ADAM7: variants seen among roughly 807,000 people sequenced by gnomAD.
ADAM7 encodes the protein ADAM metallopeptidase domain 7.
In ADAM7, 97 loss-of-function variants were observed where a neutral mutation model predicts 102.9. The ratio of observed to expected loss-of-function variants is 0.94; its 90% CI spans 0.80 to 1.12. The LOEUF is 1.12. Among genes scored for constraint, ADAM7 ranks in the 50% most tolerant of loss-of-function variants. The pLI is 0.00. For missense variants in ADAM7, 991 were observed against 908.7 expected (o/e 1.09, Z -1.16); for synonymous variants, 334 against 304.4 (o/e 1.10, Z -1.01).
Position 24,507,536 on chromosome 8 carries a change from G to A in ADAM7, c.2264+1G>A. The A allele has an allele frequency of 1.2e-6, 2 of 1,610,390 alleles. No individual in the cohort carries two copies. Among genetic ancestry groups the A allele is most frequent in the Non-Finnish European group, 1.7e-6 (2 of 1,176,692 alleles). The stretch of plus-strand genomic sequence containing the variant: ...CAGATCCCAATCAAAGTGCCAAGTG[G>A]TAGGTTACCCTGACAGATAGTACCT... On this transcript the variant is annotated splice_donor_variant, in intron 21 of 21. Transcript: ENST00000175238. LOFTEE classifies it high-confidence loss of function.
At chr8:24,469,903 C>T (rs1819549012) in intron 7 of ADAM7, among the ~76,000 whole-genome samples, 1 of 151,820 alleles carries the variant, frequency 6.6e-6, no homozygotes, top group South Asian at 2.1e-4. Flanking sequence ...ATAGAGAAAC[C>T]ACCATTTCTC....
At chr8:24,496,476 G>A (rs1563395503) in intron 16 of ADAM7, among the ~76,000 whole-genome samples, 1 of 152,180 alleles carries the variant, frequency 6.6e-6, no homozygotes, top group Non-Finnish European at 1.5e-5. Context: ...AGCTTGCACT[G>A]TGCACCTGGA....
intron 3 of ADAM7, among the ~76,000 whole-genome samples, chr8:24,454,932 T>C (rs1292994215): frequency 6.6e-6 from 1 of 152,200 alleles, no homozygotes; most frequent in East Asian, 1.9e-4. Flanking sequence ...AAACGTTGAT[T>C]GGGTCAATTT....
chr8:24,473,021 C>T (rs961458767), intron 7 of ADAM7, among the ~76,000 whole-genome samples: 2 of 151,824 alleles, frequency 1.3e-5, no homozygotes, highest in African/African-American at 4.8e-5. Context: ...ATAGGAAACC[C>T]CAAAAAGATT....
chr8:24,494,683 G>GTC (rs1820492676), intron 16 of ADAM7, among the ~76,000 whole-genome samples: 1 of 151,718 alleles, frequency 6.6e-6, no homozygotes, highest in Non-Finnish European at 1.5e-5. Context: ...GTTAATGCCA[G>GTC]TCTATGTAGG....
At chr8:24,445,704 A>AT (rs1818532239) in intron 2 of ADAM7, among the ~76,000 whole-genome samples, 2 of 152,188 alleles carry the variant, frequency 1.3e-5, no homozygotes, top group Non-Finnish European at 2.9e-5. Context: ...GTTTCTGCCT[A>AT]GATATTTTGC....
intron 5 of ADAM7, 115 bp downstream of exon 5, chr8:24,465,890 A>C: frequency 1.5e-6 from 1 of 681,832 alleles, no homozygotes; most frequent in South Asian, 3.6e-5. Context: ...TAATGAGAAA[A>C]AAGCTGCTGT....
At chr8:24,442,425 A>T (rs1454197614) in intron 1 of ADAM7, 48 bp from the exon 2 acceptor site, 1 of 1,294,868 alleles carries the variant, frequency 7.7e-7, no homozygotes, top group South Asian at 1.2e-5. Flanking sequence ...GCCGCTGTAG[A>T]CGAATGTTAA....
At position 24,466,964 on chromosome 8, in the gene ADAM7, A is replaced by G. The variant is rs1819446781; in HGVS notation, c.555A>G (p.Glu185=). ...FTRKTVPGDN[E]SEEDSKIKGI... ...GAAAAACTGTTCCAGGGGATAATGA[A>G]TCTGAAGAAGACTCCAAAATAAAAG... Residue 185 remains glutamate, a synonymous_variant, in exon 6 of 22, where the codon GAA becomes GAG. Coordinates refer to ENST00000175238, the MANE Select transcript of ADAM7 (RefSeq NM_003817.4). 1.9e-6 allele frequency: 3 copies of G among 1,613,832 alleles called. No homozygotes were observed. Among genetic ancestry groups the G allele is most frequent in the South Asian group, 1.1e-5 (1 of 91,062 alleles).
chr8:24,473,772 T>G (rs369541712), intron 7 of ADAM7, among the ~76,000 whole-genome samples: 2 of 152,114 alleles, frequency 1.3e-5, no homozygotes, highest in African/African-American at 4.8e-5. Flanking sequence ...CCAAGATATA[T>G]CCATAAAAAT....
At chr8:24,447,937 A>AACAC (rs55836403) in intron 3 of ADAM7, among the ~76,000 whole-genome samples, 4,320 of 140,594 alleles carry the variant, frequency 0.031, 85 homozygotes, top group East Asian at 0.061. Context: ...TAAATAACAA[A>AACAC]ACACACACAC....
chr8:24,482,099 C>A lies in ADAM7; in HGVS notation c.706-43C>A, dbSNP rs775285246. On this transcript the variant is annotated intron_variant, in intron 8 of 21. Coordinates refer to ENST00000175238, the MANE Select transcript of ADAM7 (RefSeq NM_003817.4). ...AATATAGTAATATTGAAGACTGTTT[C>A]CAGCAACTTGACTTTGTGAAAAATG... 8 of 1,434,148 alleles carry A rather than the reference C, an allele frequency of 5.6e-6. No individual in the cohort carries two copies. In the Admixed American group the frequency reaches 7.3e-5, roughly 13 times the overall value. The allele number at this position is 1,434,148 out of a possible 1,614,324, so 88.8% of individuals were successfully genotyped here.
chr8:24,500,261 G>A lies in ADAM7; in HGVS notation c.2002+5G>A. 1 of 1,602,554 alleles carries A rather than the reference G, an allele frequency of 6.2e-7. No individual in the cohort carries two copies. Among genetic ancestry groups the A allele is most frequent in the Non-Finnish European group, 8.5e-7 (1 of 1,171,094 alleles). On this transcript the variant is annotated splice_donor_5th_base_variant and intron_variant, in intron 18 of 21. Coordinates refer to ENST00000175238, the MANE Select transcript of ADAM7 (RefSeq NM_003817.4). ...AAGAAACCTTACATGTTACCAGTGAGCATCCTAAAACAAAATCTTTCATAT... is the reference window on the plus strand; with the variant it reads ...AAGAAACCTTACATGTTACCAGTGAACATCCTAAAACAAAATCTTTCATAT...
chr8:24,507,650 C>G, intron 21 of ADAM7, 115 bp downstream of exon 21: 1 of 792,826 alleles, frequency 1.3e-6, no homozygotes, highest in Admixed American at 2.5e-5. Context: ...CTTATCACAA[C>G]AGATTAGGAA....
chr8:24,489,003 A>G (rs529498742), intron 11 of ADAM7, among the ~76,000 whole-genome samples, 156 bp from the exon 12 acceptor site: 2 of 152,318 alleles, frequency 1.3e-5, no homozygotes, highest in South Asian at 4.1e-4. Context: ...GTGTTTTGAA[A>G]AGATATTTTC....
At chr8:24,445,657 G>T (rs13261413) in intron 2 of ADAM7, among the ~76,000 whole-genome samples, 56,814 of 151,988 alleles carry the variant, frequency 0.37, 10,879 homozygotes, top group Admixed American at 0.43. Context: ...TTATCTACAA[G>T]AAGTAAAGTA....
In ADAM7 at chr8:24,456,093, T is replaced by C. The variant is rs188096884; in HGVS notation, c.234-7789T>C. Among the ~76,000 whole-genome samples the C allele has an allele frequency of 2.9e-3, 448 of 152,314 alleles. 2 individuals carry two copies. The highest frequency in any genetic ancestry group is 5.4e-3 in the Non-Finnish European group (367 of 68,018). On this transcript the variant is annotated intron_variant, in intron 3 of 21. Transcript: ENST00000175238. ...AACTAACTTACTCATCCCATGTAAC[T>C]TGGGCTTTGTACCCTTTGACCATCA...
intron 3 of ADAM7, among the ~76,000 whole-genome samples, chr8:24,457,841 T>G (rs1819092747): frequency 6.9e-6 from 1 of 145,894 alleles, no homozygotes; most frequent in African/African-American, 2.6e-5. Flanking sequence ...ACCTTAAATT[T>G]GTGTATGTGC....
chr8:24,501,958 G>A (rs12550526), intron 20 of ADAM7, among the ~76,000 whole-genome samples: 35,796 of 151,868 alleles, frequency 0.24, 4,656 homozygotes, highest in African/African-American at 0.34. Flanking sequence ...TCTGGAGGCC[G>A]AGACAGGCAG....
Sources: gnomAD v4.1 joint callset for allele counts (sites outside exome capture counted in the v4.1 genomes callset) on GRCh38, gnomAD v4.1.1 for gene constraint, MANE v1.5 for transcripts, NCBI Gene and HGNC (gene_info 2026-07-23, HGNC 2026-07-21) for gene names.